LRP4: variants seen among roughly 807,000 people sequenced by gnomAD.
LRP4 encodes LDL receptor related protein 4, also known as low-density lipoprotein receptor-related protein 4.
In LRP4, 95 loss-of-function variants were observed where a neutral mutation model predicts 220.3. The observed-to-expected ratio is 0.43, with a 90% CI of 0.37 to 0.51. LRP4 has a LOEUF of 0.51. Among genes scored for constraint, LRP4 ranks in the 20% least tolerant of loss-of-function variants. The pLI, the probability that LRP4 is intolerant of heterozygous loss-of-function variation, is 0.00. For synonymous variants in LRP4, 903 were observed against 954.6 expected, an observed-to-expected ratio of 0.95 and a Z score of 1.00; for missense variants, 1,925 against 2,567.0, an observed-to-expected ratio of 0.75 and a Z score of 5.40.
chr11:46,902,181 A>C (rs984514756), intron 2 of LRP4, among the ~76,000 whole-genome samples: 1 of 151,714 alleles, frequency 6.6e-6, no homozygotes, highest in African/African-American at 2.4e-5. Flanking sequence ...AAAATGTTGA[A>C]ACCTCATCTC....
At chr11:46,862,997 T>C (rs1592509936) in intron 36 of LRP4, 1 of 512,000 alleles carries the variant, frequency 2.0e-6, no homozygotes, top group African/African-American at 1.9e-5. Context: ...TGGTCTTGAG[T>C]TGCCCTCCCT....
At position 46,896,125 on chromosome 11, in the gene LRP4, G is replaced by A. The variant is rs200601817; in HGVS notation, c.1048+85C>T. The A allele has an allele frequency of 4.4e-5, 71 of 1,610,528 alleles. 1 individual carries two copies. The highest frequency in any genetic ancestry group is 5.6e-5 in the Non-Finnish European group (66 of 1,178,822). On this transcript the variant is annotated intron_variant, in intron 9 of 37. Transcript: ENST00000378623. ...AAGAACAGCTCCCAAAGCTGCAAGA[G>A]TCCTGAGGGAGGATTCCCTTTGAAC...
rs768053076 is a variant in LRP4, at chr11:46,886,488, C to T, written c.2261G>A (p.Arg754Gln). ...LLFARRMDIR[R>Q]ISFDTEDLSD... Reference sequence around the variant, plus strand: ...CAGGTCCTCTGTGTCAAAGCTGATTCGACGGATGTCCATCCTTCGGGCAAA... The same window carrying T: ...CAGGTCCTCTGTGTCAAAGCTGATTTGACGGATGTCCATCCTTCGGGCAAA... The change falls in exon 17 of 38, where the codon CGA becomes CAA. Residue 754 changes from arginine to glutamine, a missense_variant. This residue lies in a region of LRP4 where 1,244 missense variants were observed against 1,624.9 expected (regional missense o/e 0.77). Coordinates refer to ENST00000378623, the MANE Select transcript of LRP4 (RefSeq NM_002334.4). 2.5e-6 allele frequency: 4 copies of T among 1,614,124 alleles called. No individual in the cohort carries two copies. Among genetic ancestry groups the T allele is most frequent in the Non-Finnish European group, 3.4e-6 (4 of 1,180,024 alleles).
At chr11:46,893,218 A>G in intron 12 of LRP4, 89 bp from the exon 13 acceptor site, 1 of 1,439,954 alleles carries the variant, frequency 6.9e-7, no homozygotes. Flanking sequence ...ACAGGAAGCA[A>G]TTTTTTGGGC....
chr11:46,862,942 T>C (rs1940597163), intron 36 of LRP4, 195 bp from the exon 37 acceptor site: 3 of 614,744 alleles, frequency 4.9e-6, no homozygotes, highest in Non-Finnish European at 8.7e-6. Context: ...GAAAAGATTA[T>C]GCAAATGTGA....
intron 8 of LRP4, 41 bp from the exon 9 acceptor site, chr11:46,896,376 G>A: frequency 6.2e-7 from 1 of 1,608,650 alleles, no homozygotes; most frequent in Non-Finnish European, 8.5e-7. Context: ...GGCAGGGCTT[G>A]GGCCAACAAA....
chr11:46,898,483 G>T (rs1189840825), intron 7 of LRP4, 75 bp downstream of exon 7: 14 of 1,599,322 alleles, frequency 8.8e-6, no homozygotes, highest in Non-Finnish European at 1.2e-5. Context: ...ACCGCGCCCA[G>T]CCGGTAGTGG....
intron 32 of LRP4, 50 bp downstream of exon 32, chr11:46,868,938 G>A (rs1214057168): frequency 5.6e-6 from 9 of 1,612,874 alleles, no homozygotes; most frequent in Admixed American, 3.3e-5. Flanking sequence ...TGGGTTGACC[G>A]ACCAATCCCA....
chr11:46,896,991 G>T lies in LRP4; in HGVS notation c.800C>A (p.Thr267Asn), dbSNP rs1941546664. The change falls in exon 8 of 38, where the codon ACC (threonine) becomes AAC (asparagine). Residue 267 changes from threonine to asparagine, a missense_variant. This residue lies in a region of LRP4 where 412 missense variants were observed against 505.4 expected (regional missense o/e 0.82). Transcript: ENST00000378623. ...GAACTGTTCTGCCGTACACATGGAG[G>T]TGGCTGGGCAAAGCAAAGGCTTAAT... Reference protein sequence around the residue: ...DDQSDERNCTTSMCTAEQFRC... With the variant: ...DDQSDERNCTNSMCTAEQFRC... 6.2e-7 allele frequency: 1 copy of T among 1,614,054 alleles called. No homozygotes were observed. The highest frequency in any genetic ancestry group is 8.5e-7 in the Non-Finnish European group (1 of 1,180,000).
chr11:46,869,084 G>A lies in LRP4; in HGVS notation c.4741C>T (p.Arg1581Cys), dbSNP rs771144609. The change falls in exon 32 of 38, where the codon CGT (arginine) becomes TGT (cysteine). Residue 1581 changes from arginine to cysteine, a missense_variant. Transcript: ENST00000378623. ...TTCCGGCCTGAGTATTTGTCAACAC[G>A]CTGGATTGACTTGGTCTGCCAGTCT... ...WTDWQTKSIQ[R>C]VDKYSGRNKE... 17 of 1,613,998 alleles carry A rather than the reference G, an allele frequency of 1.1e-5. No individual in the cohort carries two copies. Among genetic ancestry groups the A allele is most frequent in the South Asian group, 4.4e-5 (4 of 91,078 alleles).
chr11:46,916,090 CAT>C (rs1941942551), intron 1 of LRP4, among the ~76,000 whole-genome samples: 1 of 152,118 alleles, frequency 6.6e-6, no homozygotes. Flanking sequence ...CCCTTACAAA[CAT>C]GTGCACAGAA....
chr11:46,888,563 A>G (rs193054165), intron 16 of LRP4, among the ~76,000 whole-genome samples: 9 of 145,324 alleles, frequency 6.2e-5, no homozygotes, highest in African/African-American at 2.4e-4. Flanking sequence ...AAAAAAAAAA[A>G]AAAAAAAAAA....
chr11:46,899,840 C>G lies in LRP4; in HGVS notation c.430+23G>C. 6.2e-7 allele frequency: 1 copy of G among 1,607,290 alleles called. No homozygotes were observed. On this transcript the variant is annotated intron_variant, in intron 4 of 37. Coordinates refer to ENST00000378623, the MANE Select transcript of LRP4 (RefSeq NM_002334.4). The surrounding 1 kb of genome is among the most constrained non-coding windows in gnomAD (Gnocchi z 5.9). ...GCCACCCACTGGCCACCTTGCCTGC[C>G]TTCCCCCGTTGGGGTCACCCACCAC...
rs1044241033 is a variant in LRP4, at chr11:46,881,713, T to C, written c.2803A>G (p.Ser935Gly). 7 of 1,613,822 alleles carry C rather than the reference T, an allele frequency of 4.3e-6. No individual in the cohort carries two copies. The East Asian group carries it at 1.1e-4, about 26-fold the overall frequency. The change falls in exon 20 of 38, where the codon AGT becomes GGT. Residue 935 changes from serine to glycine, a missense_variant. By Grantham distance (56) the Ser-to-Gly change is moderately conservative. Around this residue, in one of 3 missense-constraint regions of LRP4, gnomAD observed 1,244 missense variants for 1,624.9 expected, o/e 0.77. Coordinates refer to ENST00000378623, the MANE Select transcript of LRP4 (RefSeq NM_002334.4). ...ACTGCCACCCTTACCTTCCTCTTAC[T>C]GCCATCCAGTCCAGCAAATTCAATT... ...KTIEFAGLDG[S>G]KRKVLIGSQL...
At chr11:46,874,278 T>C in intron 28 of LRP4, 1 of 164,680 alleles carries the variant, frequency 6.1e-6, no homozygotes, top group Non-Finnish European at 1.3e-5. Flanking sequence ...TCCCTGTTCC[T>C]CCATGTGAGA....
In LRP4 at chr11:46,890,142, C is replaced by T. The variant is rs1941387384; in HGVS notation, c.1916-22G>A. ...AGGCCTGGGGAAAGTCCAGGAAGAC[C>T]TCAGTCTGGACGTGGTCTGCCATGT... is the stretch of plus-strand genomic sequence containing the variant. On this transcript the variant is annotated intron_variant, in intron 14 of 37. Coordinates refer to ENST00000378623, the MANE Select transcript of LRP4 (RefSeq NM_002334.4). The surrounding 1 kb of genome is among the most constrained non-coding windows in gnomAD (Gnocchi z 5.3). 2.5e-6 allele frequency: 4 copies of T among 1,613,530 alleles called. No homozygotes were observed. The highest frequency in any genetic ancestry group is 1.1e-5 in the South Asian group (1 of 91,066).
chr11:46,895,224 T>C lies in LRP4; in HGVS notation c.1251A>G (p.Gln417=), dbSNP rs753671990. The change falls in exon 11 of 38, where the codon CAA becomes CAG. Residue 417 remains glutamine (Q), a synonymous_variant. Coordinates refer to ENST00000378623, the MANE Select transcript of LRP4 (RefSeq NM_002334.4). ...GTTCATAGCCTGTTTCACACCAGCA[T>C]TGGAAAGCCCCTTCGCTGTTGGTGC... The part of the protein sequence containing the change: ...QGCTNSEGAF[Q]CWCETGYELR... 5.6e-6 allele frequency: 9 copies of C among 1,614,148 alleles called. No individual in the cohort carries two copies. The highest frequency in any genetic ancestry group is 4.5e-5 in the East Asian group (2 of 44,882).
intron 20 of LRP4, 55 bp downstream of exon 20, chr11:46,881,647 G>T: frequency 6.5e-7 from 1 of 1,543,842 alleles, no homozygotes; most frequent in Non-Finnish European, 8.9e-7. Flanking sequence ...GGCTGTCAAG[G>T]CTGTGGGAAG....
chr11:46,918,284 G>A lies in LRP4; in HGVS notation c.52+44C>T. ...CAGGTCCCGGGAGGCGAGTCCTGCAGCGGCCGGACCCAGGGACAAACTTTC... is the reference window on the plus strand; with the variant it reads ...CAGGTCCCGGGAGGCGAGTCCTGCAACGGCCGGACCCAGGGACAAACTTTC... On this transcript the variant is annotated intron_variant, in intron 1 of 37. Coordinates refer to ENST00000378623, the MANE Select transcript of LRP4 (RefSeq NM_002334.4). This position sits in a 1 kb window ranked among gnomAD's most constrained non-coding sequence, Gnocchi z 6.0. 1 of 1,506,708 alleles carries A rather than the reference G, an allele frequency of 6.6e-7. No individual in the cohort carries two copies. 93.3% of individuals were successfully genotyped at this position (1,506,708 alleles called of 1,614,324 possible).
Sources: allele counts gnomAD v4.1 joint callset (sites outside exome capture counted in the v4.1 genomes callset), GRCh38; gene constraint gnomAD v4.1.1; regional missense constraint gnomAD v4.1.1; non-coding constraint Gnocchi (gnomAD v3.1); transcripts MANE v1.5; gene names NCBI Gene and HGNC (gene_info 2026-07-23, HGNC 2026-07-21).